The following DLG2 variants were observed in gnomAD, a reference collection of about 807,000 sequenced individuals.
DLG2 encodes the protein disks large homolog 2.
Under a neutral mutation model 132.5 loss-of-function variants are expected in DLG2, and 45 were observed. That is an observed-to-expected ratio of 0.34 (90% CI 0.27 to 0.44). The LOEUF is 0.44. Ranked by LOEUF, DLG2 falls within the 20% of genes least tolerant of loss-of-function variation. DLG2 has a pLI of 1.00. For synonymous variants in DLG2, 424 were observed against 419.6 expected (o/e 1.01, Z -0.13); for missense variants, 1,045 against 1,196.9 (o/e 0.87, Z 1.87).
intron 21 of DLG2, among the ~76,000 whole-genome samples, chr11:83,513,800 T>G (rs1002331415): frequency 6.6e-6 from 1 of 152,182 alleles, no homozygotes; most frequent in Non-Finnish European, 1.5e-5. Flanking sequence ...TTTCCCCATT[T>G]CTTGTTTTTG....
At chr11:85,100,713 C>A (rs527604602) in intron 6 of DLG2, among the ~76,000 whole-genome samples, 7 of 152,202 alleles carry the variant, frequency 4.6e-5, no homozygotes, top group African/African-American at 1.4e-4. Flanking sequence ...CAACACCACC[C>A]CACCATCTCT....
chr11:84,938,751 G>A (rs533529489), intron 6 of DLG2, among the ~76,000 whole-genome samples: 4 of 152,188 alleles, frequency 2.6e-5, no homozygotes, highest in East Asian at 1.9e-4. Flanking sequence ...TCTAATTTTC[G>A]CCAGGGGTGT....
intron 17 of DLG2, chr11:83,814,519 T>C: frequency 4.8e-6 from 1 of 209,148 alleles, no homozygotes; most frequent in South Asian, 9.3e-5. Flanking sequence ...ATGGGCCACA[T>C]CTTCAAGGGT....
chr11:84,797,647 A>G (rs1266825729), intron 6 of DLG2, among the ~76,000 whole-genome samples: 1 of 152,134 alleles, frequency 6.6e-6, no homozygotes, highest in East Asian at 1.9e-4. Context: ...CTTGAATTAG[A>G]TTGAGCTTCC....
chr11:83,458,376 A>C lies in DLG2; in HGVS notation c.*1442T>G, dbSNP rs1310874207. 1 of 152,640 alleles carries C rather than the reference A, an allele frequency of 6.6e-6. No homozygotes were observed. The highest frequency in any genetic ancestry group is 6.5e-5 in the Admixed American group (1 of 15,288). 9.5% of individuals were successfully genotyped at this position (152,640 alleles called of 1,614,324 possible). A position where few individuals can be genotyped will look rare whatever the true frequency, so the allele number is the denominator to read the frequency against. On this transcript the variant is annotated 3_prime_UTR_variant, in exon 28 of 28. Coordinates refer to ENST00000376104, the MANE Select transcript of DLG2 (RefSeq NM_001142699.3). Reference sequence around the variant, plus strand: ...TAAACTTGGTCCAGGTGCAGCTCCAAGAAAGGCAGTTCAGTTGGTTGAGCT... The same window carrying C: ...TAAACTTGGTCCAGGTGCAGCTCCACGAAAGGCAGTTCAGTTGGTTGAGCT...
chr11:85,525,158 G>A (rs1021480653), intron 3 of DLG2: 2 of 151,872 alleles, frequency 1.3e-5, no homozygotes, highest in East Asian at 1.9e-4. Flanking sequence ...CAAATTAACA[G>A]AATAAAATTT....
At chr11:84,598,088 A>T (rs1006385979) in intron 6 of DLG2, among the ~76,000 whole-genome samples, 2 of 152,234 alleles carry the variant, frequency 1.3e-5, no homozygotes, top group African/African-American at 4.8e-5. Flanking sequence ...TTGCAGAGTA[A>T]CAAGCTAAGA....
At chr11:83,782,589 C>T (rs1177586748) in intron 18 of DLG2, among the ~76,000 whole-genome samples, 2 of 152,098 alleles carry the variant, frequency 1.3e-5, no homozygotes, top group African/African-American at 4.8e-5. Context: ...AGTAGGAATC[C>T]TGCAGGTGGA....
At chr11:85,506,083 T>C (rs183800113) in intron 3 of DLG2, among the ~76,000 whole-genome samples, 64 of 152,332 alleles carry the variant, frequency 4.2e-4, no homozygotes, top group African/African-American at 1.5e-3. Context: ...TATCATTTTT[T>C]ATTGTGTCTA....
At chr11:84,556,412 TAAA>T (rs2099412062) in intron 6 of DLG2, among the ~76,000 whole-genome samples, 1 of 152,194 alleles carries the variant, frequency 6.6e-6, no homozygotes, top group Admixed American at 6.5e-5. Flanking sequence ...GCAACAACCC[TAAA>T]TGGTTAGAGC....
At chr11:84,480,887 C>T (rs568002242) in intron 7 of DLG2, among the ~76,000 whole-genome samples, 16 of 151,462 alleles carry the variant, frequency 1.1e-4, no homozygotes, top group South Asian at 2.1e-4. Context: ...TACAGGCATA[C>T]GCCACTATGC....
At chr11:84,977,300 G>C (rs867863266) in intron 6 of DLG2, among the ~76,000 whole-genome samples, 4 of 152,056 alleles carry the variant, frequency 2.6e-5, no homozygotes, top group Admixed American at 1.3e-4. Context: ...CCCACTCTAT[G>C]TGAGTAGGCA....
intron 7 of DLG2, among the ~76,000 whole-genome samples, chr11:84,499,014 C>T (rs868640773): frequency 2.6e-5 from 4 of 152,090 alleles, no homozygotes; most frequent in African/African-American, 9.7e-5. Context: ...TGCTTCTTAG[C>T]CCCAGGCTGC....
chr11:84,542,533 AC>A (rs1185880772), intron 6 of DLG2, among the ~76,000 whole-genome samples: 1 of 152,200 alleles, frequency 6.6e-6, no homozygotes, highest in East Asian at 1.9e-4. Flanking sequence ...AATGCTACAT[AC>A]ATAGTGTGTG....
chr11:85,425,744 A>G (rs552061412), intron 3 of DLG2, among the ~76,000 whole-genome samples: 1 of 152,274 alleles, frequency 6.6e-6, no homozygotes, highest in Admixed American at 6.5e-5. Flanking sequence ...TGCATCTCCA[A>G]CTGAGGTACC....
At chr11:85,357,973 T>C (rs1360722892) in intron 3 of DLG2, among the ~76,000 whole-genome samples, 1 of 151,588 alleles carries the variant, frequency 6.6e-6, no homozygotes, top group African/African-American at 2.4e-5. Flanking sequence ...TCTGAGCTAC[T>C]ATGCTAGAGG....
chr11:83,568,919 A>C (rs772833630), intron 19 of DLG2, among the ~76,000 whole-genome samples: 3 of 151,736 alleles, frequency 2.0e-5, no homozygotes, highest in Non-Finnish European at 3.0e-5. Context: ...TAAGATGTTT[A>C]AGCCGAAGCC....
In DLG2 at chr11:84,977,522, G is replaced by A. The variant is rs188559510; in HGVS notation, c.357+134139C>T. 6.3e-4 allele frequency among the ~76,000 whole-genome samples: 96 copies of A among 152,186 alleles called. 1 individual carries two copies. The highest frequency in any genetic ancestry group is 3.7e-3 in the South Asian group (18 of 4,822). ...GAAAGCATCTAACTGATACCCTTAT[G>A]CCCTGACCCCTTAGAAATTCTGATA... is the stretch of plus-strand genomic sequence containing the variant. On this transcript the variant is annotated intron_variant, in intron 6 of 27. Coordinates refer to ENST00000376104, the MANE Select transcript of DLG2 (RefSeq NM_001142699.3).
At chr11:83,697,775 G>C (rs1247116435) in intron 18 of DLG2, among the ~76,000 whole-genome samples, 1 of 152,140 alleles carries the variant, frequency 6.6e-6, no homozygotes, top group Non-Finnish European at 1.5e-5. Context: ...CAATGCAGGT[G>C]GGATTTAAAA....
Sources: gnomAD v4.1 joint callset for allele counts (sites outside exome capture counted in the v4.1 genomes callset) on GRCh38, gnomAD v4.1.1 for gene constraint, MANE v1.5 for transcripts, NCBI Gene and HGNC (gene_info 2026-07-23, HGNC 2026-07-21) for gene names.